The following ST6GAL2 variants were observed in gnomAD, a reference collection of about 807,000 sequenced individuals.
ST6GAL2 encodes the protein ST6 beta-galactoside alpha-2,6-sialyltransferase 2.
A neutral mutation model predicts 37.5 loss-of-function variants in ST6GAL2; 24 were observed. The ratio of observed to expected loss-of-function variants is 0.64; its 90% CI spans 0.46 to 0.90. The LOEUF (loss-of-function observed/expected upper bound fraction) is 0.90, where lower values mean the gene tolerates loss of function less well. Among genes scored for constraint, ST6GAL2 ranks in the 40% least tolerant of loss-of-function variants. ST6GAL2 has a pLI of 0.00. For synonymous variants in ST6GAL2, 306 were observed against 295.1 expected, an observed-to-expected ratio of 1.04 and a Z score of -0.38; for missense variants, 715 against 712.7, an observed-to-expected ratio of 1.00 and a Z score of -0.04.
intron 5 of ST6GAL2, chr2:106,812,934 A>C: frequency 1.2e-6 from 1 of 829,838 alleles, no homozygotes; most frequent in Non-Finnish European, 1.6e-6. Flanking sequence ...GAACTACAAA[A>C]AATTAACAAC....
At chr2:106,833,412 G>GCCGCA (rs1412773435) in intron 3 of ST6GAL2, among the ~76,000 whole-genome samples, 5 of 152,110 alleles carry the variant, frequency 3.3e-5, no homozygotes, top group Non-Finnish European at 5.9e-5. Flanking sequence ...GCTGCCTGGT[G>GCCGCA]CAGTGAACTG....
At position 106,802,401 on chromosome 2, in the gene ST6GAL2, C is replaced by T. The variant is rs1364638568; in HGVS notation, c.*4277G>A. ...AGAACTAGATCAATGTCTTTAATTC[C>T]TTAAATGTCATTAGCTCAAGTTTGA... On this transcript the variant is annotated 3_prime_UTR_variant, in exon 6 of 6. Transcript: ENST00000409382. The T allele has an allele frequency of 6.6e-6, 1 of 152,064 alleles. No individual in the cohort carries two copies. Among genetic ancestry groups the T allele is most frequent in the African/African-American group, 2.4e-5 (1 of 41,408 alleles). 9.4% of individuals were successfully genotyped at this position (152,064 alleles called of 1,614,324 possible).
rs73949790 is a variant in ST6GAL2 at position 106,858,116 on chromosome 2, G to A, written c.-57-14082C>T. Among the ~76,000 whole-genome samples, 349 of 152,294 alleles carry A rather than the reference G, an allele frequency of 2.3e-3. 2 individuals carry two copies. The highest frequency in any genetic ancestry group is 8.1e-3 in the African/African-American group (336 of 41,562). ...CATAAAAGCTTTTTTGTATATGTGTGCATGTGTACACATGAGCACAGAACT... is the reference window on the plus strand; with the variant it reads ...CATAAAAGCTTTTTTGTATATGTGTACATGTGTACACATGAGCACAGAACT... On this transcript the variant is annotated intron_variant, in intron 1 of 5. Coordinates refer to ENST00000409382, the MANE Select transcript of ST6GAL2 (RefSeq NM_001142351.2).
At chr2:106,812,828 C>G (rs1573204847) in intron 5 of ST6GAL2, among the ~76,000 whole-genome samples, 1 of 152,188 alleles carries the variant, frequency 6.6e-6, no homozygotes, top group African/African-American at 2.4e-5. Context: ...ACATAAAATG[C>G]AAGAAGAATA....
intron 5 of ST6GAL2, among the ~76,000 whole-genome samples, chr2:106,812,207 G>C (rs947790105): frequency 2.6e-5 from 4 of 152,182 alleles, no homozygotes; most frequent in Non-Finnish European, 4.4e-5. Flanking sequence ...CAGCAAGAAG[G>C]CTCCGTCTCT....
intron 2 of ST6GAL2, among the ~76,000 whole-genome samples, chr2:106,838,571 G>A (rs1676740521): frequency 6.6e-6 from 1 of 152,178 alleles, no homozygotes; most frequent in Admixed American, 6.5e-5. Flanking sequence ...ATCTGCAATG[G>A]CTGCACATCA....
rs10195481 is a variant in ST6GAL2 at position 106,804,911 on chromosome 2, A to T, written c.*1767T>A. The T allele has an allele frequency of 1.5e-3, 223 of 152,228 alleles. 1 individual carries two copies. Among genetic ancestry groups the T allele is most frequent in the African/African-American group, 5.2e-3 (216 of 41,550 alleles). The allele number at this position is 152,228 out of a possible 1,614,324, so 9.4% of individuals were successfully genotyped here. A position where few individuals can be genotyped will look rare whatever the true frequency, so the allele number is the denominator to read the frequency against. On this transcript the variant is annotated 3_prime_UTR_variant, in exon 6 of 6. Transcript: ENST00000409382. ...ATGGCTTAACCATGTCTATTTAGAC[A>T]TAAGTTAATATATAGGACAAAGTTA...
At chr2:106,855,424 T>C (rs1378528109) in intron 1 of ST6GAL2, among the ~76,000 whole-genome samples, 1 of 152,118 alleles carries the variant, frequency 6.6e-6, no homozygotes, top group East Asian at 1.9e-4. Context: ...TGTGTAACAG[T>C]TGAGAGAACA....
At chr2:106,822,890 GTATT>G (rs1430719500) in intron 5 of ST6GAL2, 1 of 152,104 alleles carries the variant, frequency 6.6e-6, no homozygotes, top group Non-Finnish European at 1.5e-5. Flanking sequence ...ATATTAAAAT[GTATT>G]TATATTATGT....
intron 5 of ST6GAL2, among the ~76,000 whole-genome samples, chr2:106,817,509 T>C (rs1294800772): frequency 1.3e-5 from 2 of 152,306 alleles, no homozygotes; most frequent in Non-Finnish European, 2.9e-5. Context: ...GACTCAGTCC[T>C]GGCAGGATCC....
intron 1 of ST6GAL2, among the ~76,000 whole-genome samples, chr2:106,872,760 C>T (rs1023877254): frequency 6.6e-6 from 1 of 152,110 alleles, no homozygotes. Context: ...CGCCACCACA[C>T]CCAGCTGATT....
At chr2:106,835,716 G>C (rs1676608042) in intron 2 of ST6GAL2, among the ~76,000 whole-genome samples, 1 of 152,178 alleles carries the variant, frequency 6.6e-6, no homozygotes, top group African/African-American at 2.4e-5. Flanking sequence ...TGTTGAGACA[G>C]AGACAGAGAT....
In ST6GAL2 at chr2:106,806,482, TA is replaced by T; in HGVS notation, c.*195del. ...GCATCTTTCTTGAGCCTTATTTTTT[TA>T]AAAAAACCATTTCTATGTTCAAAGC... On this transcript the variant is annotated 3_prime_UTR_variant, in exon 6 of 6. Coordinates refer to ENST00000409382, the MANE Select transcript of ST6GAL2 (RefSeq NM_001142351.2). 7.8e-6 allele frequency: 5 copies of T among 639,054 alleles called. No individual in the cohort carries two copies. Among genetic ancestry groups the T allele is most frequent in the Non-Finnish European group, 1.3e-5 (5 of 394,386 alleles). The allele number at this position is 639,054 out of a possible 1,614,324, so 39.6% of individuals were successfully genotyped here.
intron 1 of ST6GAL2, among the ~76,000 whole-genome samples, chr2:106,864,123 T>C (rs1467303475): frequency 2.6e-5 from 4 of 152,194 alleles, no homozygotes; most frequent in African/African-American, 9.6e-5. Flanking sequence ...ACAGAAACAA[T>C]GTTCAACCCA....
rs141033323 is a variant in ST6GAL2, at chr2:106,832,632, C to T, written c.1076G>A (p.Ser359Asn). Residue 359 changes from serine (S) to asparagine (N), a missense_variant, in exon 4 of 6, where the codon AGT (serine) becomes AAT (asparagine). Ser to Asn is a conservative substitution (Grantham distance 46). This residue lies in a region of ST6GAL2 where 512 missense variants were observed against 488.8 expected (regional missense o/e 1.05). Coordinates refer to ENST00000409382, the MANE Select transcript of ST6GAL2 (RefSeq NM_001142351.2). The part of the protein sequence containing the change: ...LTNPSHHFID[S>N]SLYKDVILVA... ...CAAAATGACGTCTTTATACAGTGAA[C>T]TGTCAATGAAGTGATGGCTGGGGTT... is the stretch of plus-strand genomic sequence containing the variant. 1.2e-6 allele frequency: 2 copies of T among 1,612,510 alleles called. No homozygotes were observed. Among genetic ancestry groups the T allele is most frequent in the Non-Finnish European group, 1.7e-6 (2 of 1,179,086 alleles).
At chr2:106,877,335 C>A (rs775453873) in intron 1 of ST6GAL2, among the ~76,000 whole-genome samples, 1 of 152,196 alleles carries the variant, frequency 6.6e-6, no homozygotes, top group South Asian at 2.1e-4. Context: ...ATGGAGCTGA[C>A]AATGTCACAT....
chr2:106,853,137 T>C (rs563071030), intron 1 of ST6GAL2, among the ~76,000 whole-genome samples: 2 of 151,944 alleles, frequency 1.3e-5, no homozygotes, highest in African/African-American at 4.9e-5. Context: ...CAAAGTACTA[T>C]GTCTAATTTC....
In ST6GAL2 at chr2:106,865,908, A is replaced by G. The variant is rs148945041; in HGVS notation, c.-58+20185T>C. 3.3e-5 allele frequency among the ~76,000 whole-genome samples: 5 copies of G among 152,366 alleles called. No homozygotes were observed. The East Asian group carries it at 9.6e-4, about 29-fold the overall frequency. Reference sequence around the variant, plus strand: ...AGATAATAAAATATATTTGTGACTTATAAAATTTTGTTTGCAGCCTGCTCA... The same window carrying G: ...AGATAATAAAATATATTTGTGACTTGTAAAATTTTGTTTGCAGCCTGCTCA... On this transcript the variant is annotated intron_variant, in intron 1 of 5. Coordinates refer to ENST00000409382, the MANE Select transcript of ST6GAL2 (RefSeq NM_001142351.2).
intron 1 of ST6GAL2, among the ~76,000 whole-genome samples, chr2:106,846,750 C>G (rs897256459): frequency 1.3e-5 from 2 of 152,174 alleles, no homozygotes; most frequent in African/African-American, 4.8e-5. Context: ...TATACTTTAA[C>G]CAAGCCGGAA....
Sources: gnomAD v4.1 joint callset for allele counts (sites outside exome capture counted in the v4.1 genomes callset) on GRCh38, gnomAD v4.1.1 for gene constraint, gnomAD v4.1.1 regional missense constraint, MANE v1.5 for transcripts, NCBI Gene and HGNC (gene_info 2026-07-23, HGNC 2026-07-21) for gene names.